LGSN: variants seen among roughly 807,000 people sequenced by gnomAD.
The protein encoded by LGSN is lengsin.
A neutral mutation model predicts 19.5 loss-of-function variants in LGSN; 21 were observed. The ratio of observed to expected loss-of-function variants is 1.07; its 90% CI spans 0.76 to 1.55. The LOEUF is 1.55. LGSN is among the 40% of genes most tolerant of loss of function. LGSN has a pLI of 0.00. For synonymous variants in LGSN, 257 were observed against 215.6 expected, an observed-to-expected ratio of 1.19 and a Z score of -1.68; for missense variants, 673 against 608.5, an observed-to-expected ratio of 1.11 and a Z score of -1.12.
chr6:63,332,937 G>C, the LGSN span, among the ~76,000 whole-genome samples: 1 of 152,020 alleles, frequency 6.6e-6, no homozygotes, highest in Non-Finnish European at 1.5e-5. Context: ...CAGCTCTTAA[G>C]GTGGTGCATC....
the LGSN span, among the ~76,000 whole-genome samples, chr6:63,363,112 A>C: frequency 2.6e-5 from 4 of 152,232 alleles, no homozygotes; most frequent in African/African-American, 7.2e-5. Context: ...AGCAAACTCC[A>C]ACAGACCTGC....
the LGSN span, among the ~76,000 whole-genome samples, chr6:63,474,365 T>A: frequency 6.6e-6 from 1 of 152,130 alleles, no homozygotes; most frequent in Non-Finnish European, 1.5e-5. Flanking sequence ...TCCCAGCACA[T>A]TGGGAGGCCA....
At chr6:63,372,088 A>G in the LGSN span, among the ~76,000 whole-genome samples, 2 of 152,202 alleles carry the variant, frequency 1.3e-5, no homozygotes, top group African/African-American at 4.8e-5. Context: ...TAAATAGGCT[A>G]TTTTGTGACT....
chr6:63,404,041 T>C, the LGSN span, among the ~76,000 whole-genome samples: 1 of 152,148 alleles, frequency 6.6e-6, no homozygotes, highest in Non-Finnish European at 1.5e-5. Context: ...AAATGAATTC[T>C]GCCAACAACT....
At chr6:63,464,473 A>G in the LGSN span, among the ~76,000 whole-genome samples, 3 of 151,676 alleles carry the variant, frequency 2.0e-5, no homozygotes, top group Non-Finnish European at 2.9e-5. Context: ...GACAGTACAG[A>G]GACAAACCAA....
the LGSN span, among the ~76,000 whole-genome samples, chr6:63,452,561 GA>G: frequency 4.0e-5 from 6 of 151,634 alleles, no homozygotes; most frequent in South Asian, 2.1e-4. Flanking sequence ...CAAATATATT[GA>G]AAAAAATTCA....
the LGSN span, chr6:63,572,276 C>T: frequency 1.1e-5 from 2 of 189,014 alleles, no homozygotes; most frequent in South Asian, 1.9e-4. Flanking sequence ...CCTTCCCTCC[C>T]CCGCCCCGGG....
At chr6:63,528,404 T>C in the LGSN span, among the ~76,000 whole-genome samples, 1,435 of 149,492 alleles carry the variant, frequency 9.6e-3, 16 homozygotes, top group African/African-American at 0.025. Flanking sequence ...GAAATCAGCC[T>C]GGGAGACACA....
chr6:63,527,167 C>G, the LGSN span, among the ~76,000 whole-genome samples: 1 of 152,118 alleles, frequency 6.6e-6, no homozygotes, highest in Admixed American at 6.6e-5. Context: ...GATTGCCTTT[C>G]TTCTACAGTG....
At chr6:63,534,623 C>T in the LGSN span, among the ~76,000 whole-genome samples, 5 of 151,800 alleles carry the variant, frequency 3.3e-5, no homozygotes, top group Admixed American at 6.6e-5. Flanking sequence ...GCCCAGGCAA[C>T]GTAGCAAGAC....
At chr6:63,415,137 T>C in the LGSN span, among the ~76,000 whole-genome samples, 2 of 151,666 alleles carry the variant, frequency 1.3e-5, no homozygotes, top group Non-Finnish European at 1.5e-5. Context: ...CTGAGCAACA[T>C]GGAGAAACCC....
chr6:63,360,046 G>A, the LGSN span, among the ~76,000 whole-genome samples: 7 of 152,228 alleles, frequency 4.6e-5, no homozygotes, highest in South Asian at 2.1e-4. Flanking sequence ...TTAGTCTGAC[G>A]GGCTTCCCTT....
At chr6:63,384,828 C>CTATA in the LGSN span, among the ~76,000 whole-genome samples, 2 of 152,108 alleles carry the variant, frequency 1.3e-5, no homozygotes, top group Non-Finnish European at 2.9e-5. Flanking sequence ...GAGATAATGT[C>CTATA]TATAAAGAGG....
the LGSN span, among the ~76,000 whole-genome samples, chr6:63,399,719 G>A: frequency 6.6e-6 from 1 of 151,096 alleles, no homozygotes; most frequent in Non-Finnish European, 1.5e-5. Flanking sequence ...TTTTAGTGAT[G>A]GAATCTCTCC....
At chr6:63,557,123 T>G in the LGSN span, among the ~76,000 whole-genome samples, 1 of 152,254 alleles carries the variant, frequency 6.6e-6, no homozygotes, top group Admixed American at 6.5e-5. Flanking sequence ...CTTGGAATTC[T>G]TCAAAGGGTG....
the LGSN span, among the ~76,000 whole-genome samples, chr6:63,444,792 G>A: frequency 6.6e-6 from 1 of 152,242 alleles, no homozygotes; most frequent in African/African-American, 2.4e-5. Context: ...GGTTGAATCA[G>A]CACAAAAATA....
the LGSN span, among the ~76,000 whole-genome samples, chr6:63,364,139 G>T: frequency 6.6e-6 from 1 of 152,008 alleles, no homozygotes; most frequent in African/African-American, 2.4e-5. Context: ...TTGGTAAATT[G>T]GATAAAGAGT....
the LGSN span, among the ~76,000 whole-genome samples, chr6:63,514,732 G>A: frequency 1.3e-5 from 2 of 152,122 alleles, no homozygotes; most frequent in Non-Finnish European, 1.5e-5. Flanking sequence ...GTTTGTCTGG[G>A]TCTTGCTCAG....
the LGSN span, among the ~76,000 whole-genome samples, chr6:63,388,076 A>G: frequency 1.3e-5 from 2 of 149,022 alleles, no homozygotes; most frequent in Non-Finnish European, 1.5e-5. Context: ...CGGTTTCACC[A>G]TGTTAGGCAG....
Sources: gnomAD v4.1 joint callset for allele counts (sites outside exome capture counted in the v4.1 genomes callset) on GRCh38, gnomAD v4.1.1 for gene constraint, MANE v1.5 for transcripts, NCBI Gene and HGNC (gene_info 2026-07-23, HGNC 2026-07-21) for gene names.